PAH: variants seen among roughly 807,000 people sequenced by gnomAD.
PAH encodes phenylalanine-4-hydroxylase.
In PAH, 64 loss-of-function variants were observed where a neutral mutation model predicts 62.0. The ratio of observed to expected loss-of-function variants is 1.03; its 90% CI spans 0.84 to 1.27. PAH has a LOEUF of 1.27. Among genes scored for constraint, PAH ranks in the 50% most tolerant of loss-of-function variants. The probability of loss-of-function intolerance (pLI) is 0.00; values close to 1 mark genes in which losing one functional copy is unlikely to be tolerated. For synonymous variants in PAH, 195 were observed against 196.2 expected, an observed-to-expected ratio of 0.99 and a Z score of 0.05; for missense variants, 579 against 542.8, an observed-to-expected ratio of 1.07 and a Z score of -0.66.
chr12:102,957,955 C>T lies in PAH; in HGVS notation c.-96+240G>A. On this transcript the variant is annotated intron_variant, in intron 1 of 4. Coordinates refer to the PAH transcript ENST00000551337. This position sits in a 1 kb window ranked among gnomAD's most constrained non-coding sequence, Gnocchi z 4.1. ...AAGGCGCCAGCGGCAGCCTCACACG[C>T]GAGCGCCACGCGAGGCTCCCGAAGC... is the stretch of plus-strand genomic sequence containing the variant. The T allele has an allele frequency of 3.2e-6, 1 of 312,692 alleles. No homozygotes were observed. The highest frequency in any genetic ancestry group is 5.1e-5 in the East Asian group (1 of 19,516). The allele number at this position is 312,692 out of a possible 1,614,324, so 19.4% of individuals were successfully genotyped here. A position where few individuals can be genotyped will look rare whatever the true frequency, so the allele number is the denominator to read the frequency against.
At chr12:102,844,200 CA>C in intron 10 of PAH, 135 bp downstream of exon 10, 1 of 708,204 alleles carries the variant, frequency 1.4e-6, no homozygotes, top group Non-Finnish European at 2.6e-6. Flanking sequence ...GCTAAGGTAC[CA>C]ATCACTGGAG....
chr12:102,922,560 G>A (rs563947509), intron 1 of PAH, among the ~76,000 whole-genome samples: 265 of 152,298 alleles, frequency 1.7e-3, no homozygotes, highest in Non-Finnish European at 3.4e-3. Flanking sequence ...ACTACAGGAA[G>A]ACCTTATTTA....
chr12:102,840,807 C>T (rs1874564253), intron 11 of PAH, among the ~76,000 whole-genome samples: 1 of 152,004 alleles, frequency 6.6e-6, no homozygotes, highest in South Asian at 2.1e-4. Flanking sequence ...TACAATAAAG[C>T]CACAAACTCC....
intron 1 of PAH, among the ~76,000 whole-genome samples, chr12:102,933,100 A>G (rs1878977986): frequency 1.3e-5 from 2 of 152,194 alleles, no homozygotes; most frequent in South Asian, 2.1e-4. Context: ...TTTTTGTACC[A>G]TTAACCATCC....
intron 9 of PAH, among the ~76,000 whole-genome samples, chr12:102,845,328 C>G (rs1484915005): frequency 6.6e-6 from 1 of 152,112 alleles, no homozygotes; most frequent in African/African-American, 2.4e-5. Flanking sequence ...TTGTTTTTTT[C>G]TCTGTGGTGT....
chr12:102,943,514 T>C (rs1313472262), intron 1 of PAH, among the ~76,000 whole-genome samples: 2 of 152,112 alleles, frequency 1.3e-5, no homozygotes, highest in Non-Finnish European at 2.9e-5. Flanking sequence ...TGTTTGGAGA[T>C]CTCTCAAAGG....
At chr12:102,920,666 C>CTTAT (rs1415001600), upstream of PAH, among the ~76,000 whole-genome samples, 1 of 152,176 alleles carries the variant, frequency 6.6e-6, no homozygotes, top group Non-Finnish European at 1.5e-5. Flanking sequence ...GGCAACTTCT[C>CTTAT]TAATATGATG....
At chr12:102,918,292 T>C (rs774293827), upstream of PAH, among the ~76,000 whole-genome samples, 7 of 152,100 alleles carry the variant, frequency 4.6e-5, no homozygotes, top group Admixed American at 1.3e-4. Context: ...GTTCAGAGGT[T>C]CAGAAAGGAT....
chr12:102,889,094 T>C (rs1320034081), intron 3 of PAH, among the ~76,000 whole-genome samples: 1 of 152,108 alleles, frequency 6.6e-6, no homozygotes, highest in South Asian at 2.1e-4. Context: ...GGCTTCTCTC[T>C]AAAAATTCTT....
chr12:102,907,664 GC>G (rs1286399461), intron 2 of PAH, among the ~76,000 whole-genome samples: 2 of 151,926 alleles, frequency 1.3e-5, no homozygotes, highest in Non-Finnish European at 2.9e-5. Flanking sequence ...TGTTGCCCAG[GC>G]TGGAGTGCAG....
intron 7 of PAH, 42 bp downstream of exon 7, chr12:102,852,773 C>T (rs752505308): frequency 6.2e-7 from 1 of 1,613,490 alleles, no homozygotes; most frequent in East Asian, 2.2e-5. Flanking sequence ...AAAGATGGCG[C>T]TCATTGTGCC....
chr12:102,930,313 G>T (rs953229968), intron 1 of PAH, among the ~76,000 whole-genome samples: 2 of 152,068 alleles, frequency 1.3e-5, no homozygotes, highest in Admixed American at 1.3e-4. Flanking sequence ...ATCTACATAA[G>T]CTCTGAGGCT....
At chr12:102,895,869 A>AAAATATATATATATATATAT (rs953209518) in intron 2 of PAH, among the ~76,000 whole-genome samples, 3 of 118,712 alleles carry the variant, frequency 2.5e-5, no homozygotes, top group African/African-American at 1.1e-4. Context: ...AAAAAAAAAA[A>AAAATATATATATATATATAT]ATATATATAT....
upstream of PAH, among the ~76,000 whole-genome samples, chr12:102,951,153 G>A (rs1165057935): frequency 1.3e-5 from 2 of 152,182 alleles, no homozygotes; most frequent in African/African-American, 4.8e-5. Flanking sequence ...AGCATGAGCT[G>A]TGGCTAACAC....
Position 102,913,047 on chromosome 12 carries a change from G to A in PAH, c.61-149C>T, listed in dbSNP as rs1025489979. The A allele has an allele frequency of 3.1e-5, 20 of 649,280 alleles. No homozygotes were observed. In the African/African-American group the frequency reaches 3.4e-4, roughly 11 times the overall value. The allele number at this position is 649,280 out of a possible 1,614,324, so 40.2% of individuals were successfully genotyped here. ...CTATATATATTCTATACAGAAATAT[G>A]TAGTGTGGTGGAAAATAAGTAAGTC... On this transcript the variant is annotated intron_variant, in intron 1 of 12. Transcript: ENST00000553106.
intron 6 of PAH, chr12:102,854,684 T>G: frequency 4.0e-6 from 1 of 248,330 alleles, no homozygotes; most frequent in Non-Finnish European, 7.9e-6. Context: ...CTGGAGAGGA[T>G]TGAAGGCAGG....
At position 102,957,812 on chromosome 12, in the gene PAH, G is replaced by A. The variant is rs980474428; in HGVS notation, c.-96+383C>T. 2.5e-5 allele frequency: 4 copies of A among 161,908 alleles called. No individual in the cohort carries two copies. The highest frequency in any genetic ancestry group is 6.4e-5 in the Admixed American group (1 of 15,530). 10.0% of individuals were successfully genotyped at this position (161,908 alleles called of 1,614,324 possible). On this transcript the variant is annotated intron_variant, in intron 1 of 4. Transcript: ENST00000551337. The surrounding 1 kb of genome is among the most constrained non-coding windows in gnomAD (Gnocchi z 4.1). ...AAACAGCCTGAGCCACGGCTGGAGAGACCGAGACCCGGCGCAAGAGAGCGC... is the reference window on the plus strand; with the variant it reads ...AAACAGCCTGAGCCACGGCTGGAGAAACCGAGACCCGGCGCAAGAGAGCGC...
At chr12:102,871,922 C>CAA (rs1168829038) in intron 4 of PAH, among the ~76,000 whole-genome samples, 8 of 115,478 alleles carry the variant, frequency 6.9e-5, no homozygotes, top group African/African-American at 1.9e-4. Context: ...AACTCTGCCT[C>CAA]AAAAAAAAAA....
At chr12:102,864,366 A>C (rs1352116712) in intron 5 of PAH, among the ~76,000 whole-genome samples, 1 of 152,136 alleles carries the variant, frequency 6.6e-6, no homozygotes, top group African/African-American at 2.4e-5. Context: ...CCAGCCCCTG[A>C]AGTCTAAAGC....
Sources: allele counts gnomAD v4.1 joint callset (sites outside exome capture counted in the v4.1 genomes callset), GRCh38; gene constraint gnomAD v4.1.1; non-coding constraint Gnocchi (gnomAD v3.1); transcripts MANE v1.5; gene names NCBI Gene and HGNC (gene_info 2026-07-23, HGNC 2026-07-21).